The following DMTF1 variants were observed in gnomAD, a reference collection of about 807,000 sequenced individuals.
DMTF1 encodes the protein cyclin-D-binding Myb-like transcription factor 1.
DMTF1 carries 39 observed loss-of-function variants against 91.1 expected under a neutral mutation model. The observed-to-expected ratio is 0.43, with a 90% CI of 0.33 to 0.56. The LOEUF is 0.56. Ranked by LOEUF, DMTF1 falls within the 20% of genes least tolerant of loss-of-function variation. The pLI, the probability that DMTF1 is intolerant of heterozygous loss-of-function variation, is 0.05. For missense variants in DMTF1, 750 were observed against 914.5 expected (o/e 0.82, Z 2.32); for synonymous variants, 338 against 309.5 (o/e 1.09, Z -0.97).
rs1384985288 is a variant in DMTF1, at chr7:87,194,727, TTGA to T, written c.2079_2081del (p.Asp693del). The stretch of plus-strand genomic sequence containing the variant: ...ATAGAAGAACAAGTTGATCAAACAA[TTGA>T]TGATGAAACAATACTTATCGTTCCT... On this transcript the variant is annotated inframe_deletion, in exon 17 of 18. Coordinates refer to ENST00000331242, the MANE Select transcript of DMTF1 (RefSeq NM_001142327.2). The T allele has an allele frequency of 6.2e-7, 1 of 1,611,072 alleles. No homozygotes were observed. The highest frequency in any genetic ancestry group is 1.1e-5 in the South Asian group (1 of 90,972).
chr7:87,187,539 AAAAAT>A (rs1194332618), intron 12 of DMTF1: 1 of 154,134 alleles, frequency 6.5e-6, no homozygotes, highest in Non-Finnish European at 1.4e-5. Flanking sequence ...GACCTTGTCT[AAAAAT>A]AAAATTAAAT....
At chr7:87,164,254 C>G (rs1295017862) in intron 2 of DMTF1, 1 of 152,026 alleles carries the variant, frequency 6.6e-6, no homozygotes, top group Non-Finnish European at 1.5e-5. Context: ...CCCCCACTAG[C>G]CATGAGATGC....
rs149748596 is a variant in DMTF1 at position 87,193,848 on chromosome 7, G to A, written c.1774G>A (p.Asp592Asn). The A allele has an allele frequency of 2.8e-5, 45 of 1,613,098 alleles. No homozygotes were observed. The Admixed American group carries it at 5.8e-4, about 21-fold the overall frequency. ...CATATCCCAAGCAGAACTGACAGTC[G>A]ATAGTGATATTCAGTCATCTGATTT... ...SSISQAELTVDSDIQSSDFPE... is the reference protein window; with the variant it reads ...SSISQAELTVNSDIQSSDFPE... The change falls in exon 16 of 18, where the codon GAT becomes AAT. Residue 592 changes from aspartate to asparagine, a missense_variant. Physicochemically the swap from Asp to Asn is conservative, Grantham distance 23. This residue lies in a region of DMTF1 where 410 missense variants were observed against 420.2 expected (regional missense o/e 0.98). Coordinates refer to ENST00000331242, the MANE Select transcript of DMTF1 (RefSeq NM_001142327.2).
chr7:87,169,827 A>G (rs901346101), intron 4 of DMTF1, among the ~76,000 whole-genome samples: 1 of 152,098 alleles, frequency 6.6e-6, no homozygotes, highest in Non-Finnish European at 1.5e-5. Context: ...TGACTTTTCC[A>G]TGTCACCAGA....
chr7:87,194,627 A>AT, intron 16 of DMTF1, 57 bp from the exon 17 acceptor site: 2 of 1,343,612 alleles, frequency 1.5e-6, no homozygotes, highest in Non-Finnish European at 2.1e-6. Context: ...TATACATGGG[A>AT]TTTTAAGGAA....
intron 1 of DMTF1, chr7:87,162,685 A>G (rs1164884800): frequency 6.6e-6 from 1 of 152,212 alleles, no homozygotes; most frequent in Non-Finnish European, 1.5e-5. Flanking sequence ...TAATAGCTTA[A>G]TGGTTCTCCA....
intron 7 of DMTF1, among the ~76,000 whole-genome samples, chr7:87,175,676 T>C (rs1562816722): frequency 2.6e-5 from 4 of 152,186 alleles, no homozygotes. Context: ...ATTTGAGCTG[T>C]CTTAAAGGAT....
At chr7:87,183,814 A>G (rs1797866273) in intron 10 of DMTF1, among the ~76,000 whole-genome samples, 1 of 152,238 alleles carries the variant, frequency 6.6e-6, no homozygotes, top group African/African-American at 2.4e-5. Flanking sequence ...GAGAAAACAC[A>G]GGAATAAAAG....
chr7:87,194,281 TAAG>T, intron 16 of DMTF1, 179 bp downstream of exon 16: 1 of 636,752 alleles, frequency 1.6e-6, no homozygotes, highest in South Asian at 2.5e-5. Context: ...TCAGGAAGAA[TAAG>T]AAAACCATGT....
At chr7:87,160,081 A>G (rs1185638940) in intron 1 of DMTF1, among the ~76,000 whole-genome samples, 2 of 152,150 alleles carry the variant, frequency 1.3e-5, no homozygotes, top group African/African-American at 4.8e-5. Flanking sequence ...ATGAATTGGA[A>G]TAAAGGCACT....
In DMTF1 at chr7:87,184,498, G is replaced by T. The variant is rs1343114136; in HGVS notation, c.922G>T (p.Ala308Ser). The change falls in exon 11 of 18, where the codon GCT (alanine) becomes TCT (serine). Residue 308 changes from alanine (A) to serine (S), a missense_variant. By Grantham distance (99) the Ala-to-Ser change is moderately conservative (BLOSUM62 1). This residue lies in a region of DMTF1 where 190 missense variants were observed against 343.8 expected (regional missense o/e 0.55). Transcript: ENST00000331242. ...DIVTQGVSWA[A>S]VAERVGTRSE... ...AGTCACACAGGGTGTGTCTTGGGCA[G>T]CTGTGGCTGAACGAGTCGGTACCCG... 3 of 1,613,916 alleles carry T rather than the reference G, an allele frequency of 1.9e-6. No homozygotes were observed. In the African/African-American group the frequency reaches 4.0e-5, roughly 22 times the overall value.
intron 13 of DMTF1, among the ~76,000 whole-genome samples, chr7:87,189,171 AC>A (rs929484041): frequency 3.9e-5 from 6 of 152,218 alleles, no homozygotes; most frequent in African/African-American, 1.4e-4. Flanking sequence ...AAACAGAAAC[AC>A]CCTGCATGTT....
rs116762647 is a variant in DMTF1 at position 87,173,202 on chromosome 7, C to T, written c.328-333C>T. ...TACATGTGTAAATATTTAAATTTCC[C>T]TGAATATTCTATGTTGATTTAAATA... On this transcript the variant is annotated intron_variant, in intron 5 of 17. Coordinates refer to ENST00000331242, the MANE Select transcript of DMTF1 (RefSeq NM_001142327.2). Among the ~76,000 whole-genome samples, 416 of 152,056 alleles carry T rather than the reference C, an allele frequency of 2.7e-3. 4 individuals are homozygous for T. The highest frequency in any genetic ancestry group is 9.7e-3 in the African/African-American group (402 of 41,484).
At chr7:87,167,927 T>A (rs542910684) in intron 4 of DMTF1, among the ~76,000 whole-genome samples, 4 of 152,352 alleles carry the variant, frequency 2.6e-5, no homozygotes, top group African/African-American at 9.6e-5. Flanking sequence ...TTCATTTTGT[T>A]AAAGTGCAAT....
chr7:87,173,432 A>G, intron 5 of DMTF1, 103 bp from the exon 6 acceptor site: 1 of 588,936 alleles, frequency 1.7e-6, no homozygotes, highest in Non-Finnish European at 2.9e-6. Flanking sequence ...TTTAAGTTTT[A>G]TAATGCTTAG....
At chr7:87,187,623 C>T (rs933340017) in intron 12 of DMTF1, 3 of 160,866 alleles carry the variant, frequency 1.9e-5, no homozygotes, top group Non-Finnish European at 4.1e-5. Flanking sequence ...GAATTGGCTT[C>T]CCTGCGCAAG....
chr7:87,188,378 T>C, intron 13 of DMTF1, 77 bp downstream of exon 13: 1 of 1,473,558 alleles, frequency 6.8e-7, no homozygotes, highest in Non-Finnish European at 9.4e-7. Context: ...CTTTTGGTTT[T>C]CTAGAATGTT....
intron 4 of DMTF1, among the ~76,000 whole-genome samples, chr7:87,168,307 A>C (rs1794281639): frequency 6.6e-6 from 1 of 152,100 alleles, no homozygotes; most frequent in Admixed American, 6.5e-5. Context: ...CATCTAGATG[A>C]TTCTTTCAGT....
At chr7:87,176,126 A>C (rs980908940) in intron 7 of DMTF1, among the ~76,000 whole-genome samples, 55 of 152,246 alleles carry the variant, frequency 3.6e-4, no homozygotes, top group African/African-American at 1.3e-3. Context: ...CTAATGTAGA[A>C]ACGCAGTGCT....
Sources: gnomAD v4.1 joint callset for allele counts (sites outside exome capture counted in the v4.1 genomes callset) on GRCh38, gnomAD v4.1.1 for gene constraint, gnomAD v4.1.1 regional missense constraint, MANE v1.5 for transcripts, NCBI Gene and HGNC (gene_info 2026-07-23, HGNC 2026-07-21) for gene names.